CAST: variants seen among roughly 807,000 people sequenced by gnomAD.
CAST encodes the protein calpastatin.
CAST carries 76 observed loss-of-function variants against 119.6 expected under a neutral mutation model. The ratio of observed to expected loss-of-function variants is 0.64; its 90% CI spans 0.53 to 0.77. CAST has a LOEUF of 0.77. Among genes scored for constraint, CAST ranks in the 30% least tolerant of loss-of-function variants. The pLI is 0.00. For synonymous variants in CAST, 319 were observed against 331.6 expected, an observed-to-expected ratio of 0.96 and a Z score of 0.41; for missense variants, 953 against 946.5, an observed-to-expected ratio of 1.01 and a Z score of -0.09.
the CAST span, among the ~76,000 whole-genome samples, chr5:96,416,942 G>A: frequency 6.6e-6 from 1 of 152,158 alleles, no homozygotes; most frequent in East Asian, 1.9e-4. Flanking sequence ...TGACTCAGGA[G>A]GGCCAACAAG....
At chr5:95,999,065 T>G in the CAST span, among the ~76,000 whole-genome samples, 2 of 152,104 alleles carry the variant, frequency 1.3e-5, no homozygotes, top group Non-Finnish European at 2.9e-5. Context: ...ATTTTTTTAG[T>G]GACTTTACTG....
intron 3 of CAST, among the ~76,000 whole-genome samples, chr5:96,701,083 G>A (rs965219583): frequency 1.3e-5 from 2 of 151,910 alleles, no homozygotes; most frequent in Non-Finnish European, 2.9e-5. Flanking sequence ...AAGCACCACC[G>A]CACACAGCTA....
At chr5:96,767,328 A>G in intron 27 of CAST, 110 bp from the exon 28 acceptor site, 1 of 798,806 alleles carries the variant, frequency 1.3e-6, no homozygotes, top group Non-Finnish European at 2.1e-6. Context: ...GCAAGTCTAC[A>G]CTCCATTTTA....
chr5:95,989,785 C>A, the CAST span, among the ~76,000 whole-genome samples: 1 of 151,984 alleles, frequency 6.6e-6, no homozygotes, highest in Non-Finnish European at 1.5e-5. Flanking sequence ...AGATAATTAT[C>A]AGGTACTATA....
the CAST span, among the ~76,000 whole-genome samples, chr5:96,332,956 G>T: frequency 1.3e-5 from 2 of 152,058 alleles, no homozygotes; most frequent in South Asian, 4.1e-4. Context: ...GGCCACTATC[G>T]CTCAGCGTGC....
the CAST span, among the ~76,000 whole-genome samples, chr5:96,233,966 TA>T: frequency 1.3e-5 from 2 of 152,172 alleles, no homozygotes; most frequent in African/African-American, 2.4e-5. Context: ...AATTATTTTT[TA>T]AAGTGAGAGT....
the CAST span, among the ~76,000 whole-genome samples, chr5:96,181,260 A>G: frequency 1.3e-5 from 2 of 152,240 alleles, no homozygotes; most frequent in Non-Finnish European, 2.9e-5. Context: ...TTAGAAAAGT[A>G]CAAAATTTAT....
the CAST span, among the ~76,000 whole-genome samples, chr5:96,305,068 C>T: frequency 1.1e-4 from 17 of 152,288 alleles, no homozygotes; most frequent in South Asian, 3.5e-3. Flanking sequence ...GATATTGATT[C>T]TTCCTATCCA....
chr5:96,033,982 A>G, the CAST span, among the ~76,000 whole-genome samples: 1 of 152,198 alleles, frequency 6.6e-6, no homozygotes, highest in African/African-American at 2.4e-5. Flanking sequence ...CAATTAAAAA[A>G]TGCAGAAGCT....
At chr5:96,063,824 A>G in the CAST span, among the ~76,000 whole-genome samples, 3 of 152,196 alleles carry the variant, frequency 2.0e-5, no homozygotes, top group Admixed American at 6.6e-5. Context: ...CTGAATTCAT[A>G]CAAGTAGTTA....
the CAST span, among the ~76,000 whole-genome samples, chr5:96,102,722 G>GT: frequency 6.1e-5 from 8 of 131,378 alleles, no homozygotes; most frequent in African/African-American, 1.6e-4. Flanking sequence ...GTTTTCTTGG[G>GT]GTTTTTTTTT....
chr5:96,480,634 A>T, the CAST span, among the ~76,000 whole-genome samples: 17 of 152,330 alleles, frequency 1.1e-4, no homozygotes, highest in Non-Finnish European at 1.9e-4. Context: ...CAAGAATTAC[A>T]TGTAAGAAAC....
the CAST span, among the ~76,000 whole-genome samples, chr5:95,969,535 A>T: frequency 4.8e-4 from 73 of 152,272 alleles, 1 homozygote; most frequent in East Asian, 0.013. Context: ...ATGACAAAAA[A>T]GAGCAGAGTT....
the CAST span, among the ~76,000 whole-genome samples, chr5:96,190,613 C>G: frequency 6.6e-6 from 1 of 152,178 alleles, no homozygotes; most frequent in African/African-American, 2.4e-5. Flanking sequence ...CCTCATTCCC[C>G]TTTGAATTTC....
the CAST span, among the ~76,000 whole-genome samples, chr5:95,971,086 T>C: frequency 6.1e-4 from 93 of 152,288 alleles, no homozygotes; most frequent in East Asian, 0.014. Context: ...TTCAATAGCA[T>C]AGAAAGCCAA....
chr5:96,445,325 C>T, the CAST span, among the ~76,000 whole-genome samples: 6 of 152,020 alleles, frequency 3.9e-5, no homozygotes, highest in African/African-American at 9.7e-5. Context: ...CCAGCTACTA[C>T]GCAGGCTGAG....
chr5:96,182,028 G>A, the CAST span, among the ~76,000 whole-genome samples: 3,816 of 152,204 alleles, frequency 0.025, 172 homozygotes, highest in African/African-American at 0.087. Flanking sequence ...ATTCTTCTGC[G>A]TAACAGTCAA....
the CAST span, among the ~76,000 whole-genome samples, chr5:96,063,875 A>ACTATG: frequency 6.6e-6 from 1 of 152,138 alleles, no homozygotes; most frequent in Non-Finnish European, 1.5e-5. Flanking sequence ...TCTGCCTCCT[A>ACTATG]CTATGCTATG....
rs115650685 is a variant in CAST, at chr5:96,634,411, T to A, written c.61-41128T>A. 8.0e-3 allele frequency among the ~76,000 whole-genome samples: 1,225 copies of A among 152,322 alleles called. 16 individuals carry two copies. The highest frequency in any genetic ancestry group is 0.028 in the African/African-American group (1,151 of 41,566). On this transcript the variant is annotated intron_variant, in intron 1 of 11. Coordinates refer to the CAST transcript ENST00000505143. ...ATATAAAGCTCCTGGCAAATACATA[T>A]TCACATATGTTAGTTTTTCTTCTCT...
Sources: gnomAD v4.1 joint callset for allele counts (sites outside exome capture counted in the v4.1 genomes callset) on GRCh38, gnomAD v4.1.1 for gene constraint, MANE v1.5 for transcripts, NCBI Gene and HGNC (gene_info 2026-07-23, HGNC 2026-07-21) for gene names.